Variants in LINGO2 observed in about 807,000 individuals in gnomAD.
LINGO2 encodes leucine-rich repeat and immunoglobulin-like domain-containing nogo receptor-interacting protein 2.
A neutral mutation model predicts 30.6 loss-of-function variants in LINGO2; 14 were observed. That is an observed-to-expected ratio of 0.46 (90% confidence interval 0.30 to 0.72). The LOEUF is 0.72. LINGO2 is among the 30% of genes least tolerant of loss of function. The probability of loss-of-function intolerance (pLI) is 0.07; values close to 1 mark genes in which losing one functional copy is unlikely to be tolerated. For missense variants in LINGO2, 729 were observed against 751.7 expected (o/e 0.97, Z 0.35); for synonymous variants, 317 against 288.5 (o/e 1.10, Z -1.00).
At chr9:29,070,707 A>G in the LINGO2 span, among the ~76,000 whole-genome samples, 1 of 151,478 alleles carries the variant, frequency 6.6e-6, no homozygotes, top group African/African-American at 2.4e-5. Context: ...AACTCTCTGA[A>G]CATTAACTTC....
In LINGO2 at chr9:28,059,857, G is replaced by C. The variant is rs79990569; in HGVS notation, c.-86-47452C>G. The stretch of plus-strand genomic sequence containing the variant: ...TCTAAACAATGGTTTGTCCAGAGCA[G>C]ATTGCAGGAGGCCTAAGTACATGCA... On this transcript the variant is annotated intron_variant, in intron 4 of 5. Transcript: ENST00000379992. Among the ~76,000 whole-genome samples, 705 of 151,994 alleles carry C rather than the reference G, an allele frequency of 4.6e-3. 7 individuals are homozygous for C. The highest frequency in any genetic ancestry group is 0.016 in the African/African-American group (666 of 41,454).
the LINGO2 span, among the ~76,000 whole-genome samples, chr9:29,123,961 A>G: frequency 9.8e-4 from 149 of 151,900 alleles, no homozygotes; most frequent in Admixed American, 2.0e-3. Context: ...AAAAAGGCAT[A>G]TTAGCTAAAT....
chr9:28,742,918 T>C, the LINGO2 span, among the ~76,000 whole-genome samples: 1 of 151,982 alleles, frequency 6.6e-6, no homozygotes, highest in African/African-American at 2.4e-5. Context: ...TAATATATTT[T>C]ATGCAATTCT....
intron 4 of LINGO2, among the ~76,000 whole-genome samples, chr9:28,045,433 TTC>T (rs573701524): frequency 8.3e-4 from 126 of 152,260 alleles, no homozygotes; most frequent in African/African-American, 3.0e-3. Context: ...TAAAGCTATA[TTC>T]TCTTTGCATA....
At chr9:28,984,511 G>A in the LINGO2 span, among the ~76,000 whole-genome samples, 1 of 152,040 alleles carries the variant, frequency 6.6e-6, no homozygotes, top group Non-Finnish European at 1.5e-5. Flanking sequence ...AGAGGGCACA[G>A]GAATTTAACT....
the LINGO2 span, among the ~76,000 whole-genome samples, chr9:29,083,106 A>T: frequency 6.9e-4 from 105 of 152,074 alleles, 1 homozygote; most frequent in Middle Eastern, 0.014. Flanking sequence ...GGATTGTAAA[A>T]CATGCTGCTA....
intron 4 of LINGO2, among the ~76,000 whole-genome samples, chr9:28,210,274 A>G (rs1376252128): frequency 6.6e-6 from 1 of 151,658 alleles, no homozygotes; most frequent in Non-Finnish European, 1.5e-5. Flanking sequence ...AGGCAAAAAT[A>G]CTGAGCAATT....
intron 4 of LINGO2, among the ~76,000 whole-genome samples, chr9:28,185,635 A>G (rs574189675): frequency 9.8e-5 from 15 of 152,316 alleles, no homozygotes; most frequent in Non-Finnish European, 1.9e-4. Flanking sequence ...ACACAATTGT[A>G]GAAATAGGAC....
At chr9:28,190,577 A>C (rs920974655) in intron 4 of LINGO2, among the ~76,000 whole-genome samples, 1 of 152,210 alleles carries the variant, frequency 6.6e-6, no homozygotes, top group Non-Finnish European at 1.5e-5. Flanking sequence ...GCAAGAGGAC[A>C]GTCATCTATG....
chr9:28,497,246 C>T (rs1819670857), intron 1 of LINGO2, among the ~76,000 whole-genome samples: 2 of 152,174 alleles, frequency 1.3e-5, no homozygotes, highest in Non-Finnish European at 2.9e-5. Context: ...TAATATCCTG[C>T]AGAGTGTTTT....
chr9:28,316,862 C>T (rs192187183), intron 3 of LINGO2, among the ~76,000 whole-genome samples: 47 of 152,264 alleles, frequency 3.1e-4, no homozygotes, highest in African/African-American at 1.1e-3. Context: ...GATTTTTAAG[C>T]ACCCTTATCT....
At chr9:28,289,815 A>T (rs1249713147) in intron 4 of LINGO2, among the ~76,000 whole-genome samples, 3 of 152,120 alleles carry the variant, frequency 2.0e-5, no homozygotes, top group African/African-American at 7.2e-5. Flanking sequence ...TGGAAATAGT[A>T]CCCCACTCTC....
intron 4 of LINGO2, among the ~76,000 whole-genome samples, chr9:28,224,289 C>T (rs1257669470): frequency 6.6e-6 from 1 of 152,182 alleles, no homozygotes; most frequent in Non-Finnish European, 1.5e-5. Flanking sequence ...TGGTCTCGAT[C>T]TCCTGACCTC....
chr9:28,037,979 T>C (rs1315976494), intron 4 of LINGO2, among the ~76,000 whole-genome samples: 1 of 152,202 alleles, frequency 6.6e-6, no homozygotes, highest in Non-Finnish European at 1.5e-5. Context: ...GTTAAGTAAT[T>C]TTCCCAGGAT....
intron 3 of LINGO2, among the ~76,000 whole-genome samples, chr9:28,334,859 C>T (rs1195515429): frequency 6.6e-6 from 1 of 152,092 alleles, no homozygotes; most frequent in Non-Finnish European, 1.5e-5. Flanking sequence ...TTCCCGGAGG[C>T]CTTGGCCCCA....
intron 1 of LINGO2, among the ~76,000 whole-genome samples, chr9:28,562,553 A>C (rs997487876): frequency 1.2e-4 from 18 of 151,710 alleles, no homozygotes; most frequent in Admixed American, 1.2e-3. Flanking sequence ...AGTTATAGGA[A>C]AATAAATTTC....
chr9:27,966,523 G>A (rs2118677634), intron 5 of LINGO2, among the ~76,000 whole-genome samples: 1 of 152,156 alleles, frequency 6.6e-6, no homozygotes, highest in East Asian at 1.9e-4. Context: ...TGAACAGTGG[G>A]AACACATGGA....
the LINGO2 span, among the ~76,000 whole-genome samples, chr9:29,150,671 C>CA: frequency 1.3e-5 from 2 of 152,130 alleles, no homozygotes; most frequent in Non-Finnish European, 2.9e-5. Flanking sequence ...AAGAGAATCT[C>CA]AGAGCTCGAA....
the LINGO2 span, among the ~76,000 whole-genome samples, chr9:28,703,232 T>C: frequency 2.6e-5 from 4 of 151,884 alleles, no homozygotes; most frequent in Admixed American, 1.3e-4. Context: ...TAGATCTTTT[T>C]TCTTTTCTAA....
Sources: gnomAD v4.1 joint callset for allele counts (sites outside exome capture counted in the v4.1 genomes callset) on GRCh38, gnomAD v4.1.1 for gene constraint, MANE v1.5 for transcripts, NCBI Gene and HGNC (gene_info 2026-07-23, HGNC 2026-07-21) for gene names.